Variants in GRHL1 observed in about 807,000 individuals in gnomAD.
The protein encoded by GRHL1 is grainyhead-like protein 1 homolog.
Under a neutral mutation model 75.7 loss-of-function variants are expected in GRHL1, and 38 were observed. That is an observed-to-expected ratio of 0.50 (90% CI 0.39 to 0.66). The LOEUF (loss-of-function observed/expected upper bound fraction) is 0.66. GRHL1 is among the 30% of genes least tolerant of loss of function. The probability of loss-of-function intolerance (pLI) is 0.00; values close to 1 mark genes in which losing one functional copy is unlikely to be tolerated. For missense variants in GRHL1, 589 were observed against 767.5 expected (o/e 0.77, Z 2.75); for synonymous variants, 266 against 279.4 (o/e 0.95, Z 0.48).
chr2:9,990,576 A>G lies in GRHL1; in HGVS notation c.1270-120A>G. The G allele has an allele frequency of 2.0e-6, 1 of 511,294 alleles. No homozygotes were observed. The allele number at this position is 511,294 out of a possible 1,614,324, so 31.7% of individuals were successfully genotyped here. On this transcript the variant is annotated intron_variant, in intron 9 of 15. Transcript: ENST00000324907. The surrounding 1 kb of genome is among the most constrained non-coding windows in gnomAD (Gnocchi z 4.2). ...GATAAGCCTCATGAATATAGTAAGTAATGGGGTTCCTGTCCAGAGAAGGGA... is the reference window on the plus strand; with the variant it reads ...GATAAGCCTCATGAATATAGTAAGTGATGGGGTTCCTGTCCAGAGAAGGGA...
intron 4 of GRHL1, among the ~76,000 whole-genome samples, chr2:9,961,780 C>T (rs776108583): frequency 6.6e-6 from 1 of 152,178 alleles, no homozygotes; most frequent in East Asian, 1.9e-4. Context: ...CAGTGCCAAA[C>T]AAGCTCCCTG....
chr2:9,965,081 T>C, intron 7 of GRHL1: 1 of 471,172 alleles, frequency 2.1e-6, no homozygotes. Context: ...TGAGATTGAA[T>C]TAAATATGTC....
chr2:9,984,560 C>T (rs568275951), intron 8 of GRHL1, among the ~76,000 whole-genome samples: 13 of 152,280 alleles, frequency 8.5e-5, no homozygotes, highest in East Asian at 5.8e-4. Context: ...TGTGACTCAG[C>T]TTATTTTAAC....
At chr2:9,962,569 C>A (rs367821928) in intron 5 of GRHL1, 38 bp downstream of exon 5, 10 of 1,070,578 alleles carry the variant, frequency 9.3e-6, no homozygotes, top group African/African-American at 1.5e-5. Context: ...TAATTTGCAG[C>A]TTTTATAACT....
In GRHL1 at chr2:9,987,749, G is replaced by A. The variant is rs1011122545; in HGVS notation, c.1269+1467G>A. On this transcript the variant is annotated intron_variant, in intron 9 of 15. Coordinates refer to ENST00000324907, the MANE Select transcript of GRHL1 (RefSeq NM_198182.3). This position sits in a 1 kb window ranked among gnomAD's most constrained non-coding sequence, Gnocchi z 4.2. ...AATGCAGGGAGAGTCTGGAAGGTGC[G>A]TCGAGTCTTGAGGGGAAAGTTTGTG... is the stretch of plus-strand genomic sequence containing the variant. 2.4e-4 allele frequency among the ~76,000 whole-genome samples: 36 copies of A among 152,194 alleles called. No individual in the cohort carries two copies. Among genetic ancestry groups the A allele is most frequent in the African/African-American group, 5.3e-4 (22 of 41,458 alleles).
At chr2:9,988,622 C>T (rs755803185) in intron 9 of GRHL1, among the ~76,000 whole-genome samples, 2 of 152,102 alleles carry the variant, frequency 1.3e-5, no homozygotes, top group African/African-American at 4.8e-5. Context: ...AGCTCTGTCT[C>T]CTCAAACCTG....
chr2:9,975,619 G>A (rs907214709), intron 8 of GRHL1, among the ~76,000 whole-genome samples: 2 of 151,976 alleles, frequency 1.3e-5, no homozygotes, highest in Non-Finnish European at 2.9e-5. Context: ...GGCTCTTGCC[G>A]GTAATCCCAG....
intron 12 of GRHL1, chr2:9,995,472 G>C (rs574301988): frequency 3.3e-4 from 52 of 157,012 alleles, no homozygotes; most frequent in Middle Eastern, 6.2e-3. Context: ...GCGCCACTTG[G>C]GAGGCTGAGG....
In GRHL1 at chr2:9,990,513, A is replaced by G. The variant is rs940448918; in HGVS notation, c.1270-183A>G. Among the ~76,000 whole-genome samples the G allele has an allele frequency of 3.9e-5, 6 of 152,236 alleles. No homozygotes were observed. Among genetic ancestry groups the G allele is most frequent in the African/African-American group, 1.4e-4 (6 of 41,458 alleles). ...TCCCTGTGATTTCATAGAATTAAAA[A>G]TAATTTTAAGACTAATCTTTTTAGA... On this transcript the variant is annotated intron_variant, in intron 9 of 15. Coordinates refer to ENST00000324907, the MANE Select transcript of GRHL1 (RefSeq NM_198182.3). The surrounding 1 kb of genome is among the most constrained non-coding windows in gnomAD (Gnocchi z 4.2).
At chr2:9,984,991 C>T (rs1668355105) in intron 8 of GRHL1, among the ~76,000 whole-genome samples, 1 of 151,446 alleles carries the variant, frequency 6.6e-6, no homozygotes, top group African/African-American at 2.4e-5. Context: ...TGGCTTGAAT[C>T]CAGAAGGCAA....
chr2:9,996,424 TC>T, intron 14 of GRHL1, 23 bp downstream of exon 14: 1 of 1,406,518 alleles, frequency 7.1e-7, no homozygotes, highest in Non-Finnish European at 1.0e-6. Context: ...AACTCTGTAA[TC>T]CCCTGTACAA....
At chr2:9,965,544 A>G (rs1369358388) in intron 8 of GRHL1, 163 bp downstream of exon 8, 13 of 585,550 alleles carry the variant, frequency 2.2e-5, no homozygotes, top group African/African-American at 2.1e-4. Flanking sequence ...CCTCCAAAAC[A>G]GATCATTTTT....
intron 4 of GRHL1, 101 bp from the exon 5 acceptor site, chr2:9,962,354 G>C (rs1667314488): frequency 5.8e-6 from 4 of 692,538 alleles, no homozygotes; most frequent in Non-Finnish European, 8.0e-6. Flanking sequence ...AAGGATAGTG[G>C]GTTGCTGTAA....
intron 1 of GRHL1, 118 bp from the exon 2 acceptor site, chr2:9,954,797 T>C: frequency 2.3e-6 from 2 of 878,480 alleles, no homozygotes; most frequent in East Asian, 5.2e-5. Context: ...TAATTTGACT[T>C]CCTAGGGTCA....
chr2:9,998,732 G>GTA lies in GRHL1; in HGVS notation c.1678-227_1678-226dup, dbSNP rs200476397. 5.1e-4 allele frequency among the ~76,000 whole-genome samples: 13 copies of GTA among 25,436 alleles called. 4 individuals are homozygous for GTA. The highest frequency in any genetic ancestry group is 2.0e-3 in the African/African-American group (7 of 3,510). 16.7% of individuals were successfully genotyped at this position (25,436 alleles called of 152,430 possible). Reference sequence around the variant, plus strand: ...CATATATATGTACACACATATATACGTATATATGTACACACATATATACGT... The same window carrying GTA: ...CATATATATGTACACACATATATACGTATATATATGTACACACATATATACGT... On this transcript the variant is annotated intron_variant, in intron 14 of 15. Coordinates refer to ENST00000324907, the MANE Select transcript of GRHL1 (RefSeq NM_198182.3).
In GRHL1 at chr2:9,992,177, C is replaced by T. The variant is rs559733814; in HGVS notation, c.1461+31C>T. The T allele has an allele frequency of 2.5e-6, 4 of 1,595,770 alleles. No individual in the cohort carries two copies. The African/African-American group carries it at 5.4e-5, about 22-fold the overall frequency. On this transcript the variant is annotated intron_variant, in intron 11 of 15. Transcript: ENST00000324907. The surrounding 1 kb of genome is among the most constrained non-coding windows in gnomAD (Gnocchi z 4.6). ...TAACCAGGATCCCAGGGGAGGTTAC[C>T]AGGAAGGAAGGCATGGCAAAAGGAA...
At chr2:9,986,083 T>C in intron 8 of GRHL1, 41 bp from the exon 9 acceptor site, 1 of 1,522,062 alleles carries the variant, frequency 6.6e-7, no homozygotes, top group African/African-American at 1.4e-5. Flanking sequence ...TAGGTTTGAC[T>C]TGGTGCCTGT....
chr2:9,953,787 C>T (rs1005166039), intron 1 of GRHL1, among the ~76,000 whole-genome samples: 1 of 152,134 alleles, frequency 6.6e-6, no homozygotes, highest in African/African-American at 2.4e-5. Flanking sequence ...GGCAGGTCAC[C>T]TTTAGGCCAT....
At chr2:9,955,168 A>G in intron 2 of GRHL1, 67 bp downstream of exon 2, 1 of 1,043,280 alleles carries the variant, frequency 9.6e-7, no homozygotes, top group Non-Finnish European at 1.4e-6. Context: ...CAGCATAGAA[A>G]CAGACATTTG....
Sources: allele counts gnomAD v4.1 joint callset (sites outside exome capture counted in the v4.1 genomes callset), GRCh38; gene constraint gnomAD v4.1.1; non-coding constraint Gnocchi (gnomAD v3.1); transcripts MANE v1.5; gene names NCBI Gene and HGNC (gene_info 2026-07-23, HGNC 2026-07-21).